Variants in FNDC3B observed in about 807,000 individuals in gnomAD.
FNDC3B encodes the protein fibronectin type III domain-containing protein 3B.
A neutral mutation model predicts 151.5 loss-of-function variants in FNDC3B; 12 were observed. The observed-to-expected ratio is 0.08, with a 90% CI of 0.05 to 0.13. The LOEUF is 0.13. Ranked by LOEUF, FNDC3B falls within the 10% of genes least tolerant of loss-of-function variation. FNDC3B has a pLI of 1.00. For synonymous variants in FNDC3B, 528 were observed against 549.0 expected, an observed-to-expected ratio of 0.96 and a Z score of 0.54; for missense variants, 1,214 against 1,505.3, an observed-to-expected ratio of 0.81 and a Z score of 3.20.
chr3:172,328,561 G>A (rs2108283243), intron 11 of FNDC3B, among the ~76,000 whole-genome samples: 1 of 152,338 alleles, frequency 6.6e-6, no homozygotes, highest in East Asian at 1.9e-4. Flanking sequence ...CTCTGTGGAT[G>A]CAGTAGACTC....
chr3:172,232,756 G>A (rs1239175275), intron 4 of FNDC3B, among the ~76,000 whole-genome samples: 3 of 152,192 alleles, frequency 2.0e-5, no homozygotes, highest in Non-Finnish European at 4.4e-5. Context: ...GAAACTGAAG[G>A]AGAACATGGA....
rs1272463153 is a variant in FNDC3B, at chr3:172,358,954, T to TTGGTGGGGGTGGTGG, written c.2796-3673_2796-3672insGGGTGGTGGTGGTGG. Among the ~76,000 whole-genome samples, 7 of 80,610 alleles carry TTGGTGGGGGTGGTGG rather than the reference T, an allele frequency of 8.7e-5. No homozygotes were observed. In the East Asian group the frequency reaches 1.1e-3, roughly 13 times the overall value. 52.9% of individuals were successfully genotyped at this position (80,610 alleles called of 152,430 possible). A position where few individuals can be genotyped will look rare whatever the true frequency, so the allele number is the denominator to read the frequency against. The stretch of plus-strand genomic sequence containing the variant: ...AGTGTTAAATGCTACCACAGTTTTC[T>TTGGTGGGGGTGGTGG]TGGTGGTGGTGGTGGTGGTGGTGGT... On this transcript the variant is annotated intron_variant, in intron 22 of 25. Transcript: ENST00000415807.
intron 7 of FNDC3B, among the ~76,000 whole-genome samples, chr3:172,288,868 G>A (rs1247475311): frequency 2.6e-5 from 4 of 152,180 alleles, no homozygotes; most frequent in Non-Finnish European, 4.4e-5. Context: ...TCTCTGGATG[G>A]CAGTGTAAGT....
intron 3 of FNDC3B, chr3:172,186,631 T>C (rs1576776935): frequency 1.5e-6 from 1 of 673,348 alleles, no homozygotes; most frequent in Non-Finnish European, 2.7e-6. Flanking sequence ...TTTTAAAAAA[T>C]GAAGAAAATG....
intron 1 of FNDC3B, among the ~76,000 whole-genome samples, chr3:172,088,924 A>G (rs775072128): frequency 1.3e-5 from 2 of 152,194 alleles, no homozygotes; most frequent in Non-Finnish European, 2.9e-5. Context: ...CATTTATTCA[A>G]CTGTAAGATT....
At chr3:172,062,197 A>T (rs374170677) in intron 1 of FNDC3B, among the ~76,000 whole-genome samples, 2 of 151,988 alleles carry the variant, frequency 1.3e-5, no homozygotes, top group East Asian at 3.9e-4. Flanking sequence ...GCCCCCTTGC[A>T]GGCTATATAC....
intron 25 of FNDC3B, among the ~76,000 whole-genome samples, chr3:172,387,313 G>T (rs1323580927): frequency 6.6e-6 from 1 of 151,926 alleles, no homozygotes; most frequent in African/African-American, 2.4e-5. Context: ...GGCCAGGCTG[G>T]TCTCCAACTC....
chr3:172,079,315 C>G (rs1192858639), intron 1 of FNDC3B, among the ~76,000 whole-genome samples: 1 of 152,156 alleles, frequency 6.6e-6, no homozygotes, highest in Non-Finnish European at 1.5e-5. Context: ...GGTCCTCATG[C>G]TTGTTAAATC....
At chr3:172,178,646 A>C (rs1723729889) in intron 3 of FNDC3B, among the ~76,000 whole-genome samples, 2 of 152,194 alleles carry the variant, frequency 1.3e-5, no homozygotes, top group Admixed American at 6.5e-5. Context: ...ACATGTGGAC[A>C]CTCAGCCGGG....
chr3:172,323,028 T>G (rs190584895), intron 11 of FNDC3B, among the ~76,000 whole-genome samples: 1 of 151,614 alleles, frequency 6.6e-6, no homozygotes, highest in African/African-American at 2.4e-5. Flanking sequence ...GTGTTTTAGT[T>G]TTTGTTTGTT....
intron 1 of FNDC3B, among the ~76,000 whole-genome samples, chr3:172,077,825 A>G (rs1718090304): frequency 6.6e-6 from 1 of 152,186 alleles, no homozygotes; most frequent in Non-Finnish European, 1.5e-5. Flanking sequence ...TTACCTAAAA[A>G]ATTATATTTT....
At chr3:172,290,134 C>T (rs1326043027) in intron 7 of FNDC3B, among the ~76,000 whole-genome samples, 1 of 152,090 alleles carries the variant, frequency 6.6e-6, no homozygotes, top group Non-Finnish European at 1.5e-5. Flanking sequence ...TCCTTTCAGC[C>T]ACAACTGGTA....
At chr3:172,114,650 C>T (rs1293924761) in intron 2 of FNDC3B, among the ~76,000 whole-genome samples, 1 of 152,190 alleles carries the variant, frequency 6.6e-6, no homozygotes, top group Non-Finnish European at 1.5e-5. Context: ...ACTCAGGAGG[C>T]TGAAGTAGGA....
At chr3:172,185,935 C>T (rs946747238) in intron 3 of FNDC3B, among the ~76,000 whole-genome samples, 3 of 152,240 alleles carry the variant, frequency 2.0e-5, no homozygotes, top group African/African-American at 7.2e-5. Context: ...TTTAGGGGAC[C>T]ACACTTTCTA....
chr3:172,301,497 G>A (rs561985989), intron 9 of FNDC3B, among the ~76,000 whole-genome samples: 9 of 152,318 alleles, frequency 5.9e-5, no homozygotes, highest in Admixed American at 2.0e-4. Context: ...TCAAAAGGCC[G>A]TGTGGAAATA....
intron 23 of FNDC3B, among the ~76,000 whole-genome samples, chr3:172,365,879 A>G (rs1266615868): frequency 6.6e-6 from 1 of 152,234 alleles, no homozygotes; most frequent in Non-Finnish European, 1.5e-5. Flanking sequence ...TAAAGAGTTG[A>G]GTCGATTTTA....
chr3:172,250,962 G>A (rs938408724), intron 5 of FNDC3B, among the ~76,000 whole-genome samples: 4 of 152,168 alleles, frequency 2.6e-5, no homozygotes, highest in Non-Finnish European at 2.9e-5. Flanking sequence ...GATTATAGGC[G>A]CCTACCACCA....
chr3:172,186,241 A>G (rs1391998470), intron 3 of FNDC3B, among the ~76,000 whole-genome samples: 2 of 152,192 alleles, frequency 1.3e-5, no homozygotes, highest in Non-Finnish European at 2.9e-5. Context: ...AACTGGAAAA[A>G]TAAGTAATTG....
At chr3:172,050,572 T>G (rs1716592169) in intron 1 of FNDC3B, among the ~76,000 whole-genome samples, 1 of 151,572 alleles carries the variant, frequency 6.6e-6, no homozygotes, top group Non-Finnish European at 1.5e-5. Flanking sequence ...TTAGTAGAGA[T>G]AGGGTTTCAC....
Sources: gnomAD v4.1 joint callset for allele counts (sites outside exome capture counted in the v4.1 genomes callset) on GRCh38, gnomAD v4.1.1 for gene constraint, MANE v1.5 for transcripts, NCBI Gene and HGNC (gene_info 2026-07-23, HGNC 2026-07-21) for gene names.